TBC1D12: variants seen among roughly 807,000 people sequenced by gnomAD.
TBC1D12 encodes TBC1 domain family member 12, also known as TBC1 domain family, member 12.
TBC1D12 carries 56 observed loss-of-function variants against 86.7 expected under a neutral mutation model. That is an observed-to-expected ratio of 0.65 (90% CI 0.52 to 0.81). The LOEUF is 0.81. TBC1D12 is among the 30% of genes least tolerant of loss of function. The probability of loss-of-function intolerance (pLI) is 0.00; values close to 1 mark genes in which losing one functional copy is unlikely to be tolerated. For missense variants in TBC1D12, 1,023 were observed against 1,038.8 expected (o/e 0.98, Z 0.21); for synonymous variants, 421 against 411.7 (o/e 1.02, Z -0.27).
At chr10:94,465,778 A>ACATACGTATACG (rs2055805308) in intron 2 of TBC1D12, among the ~76,000 whole-genome samples, 9 of 137,876 alleles carry the variant, frequency 6.5e-5, no homozygotes, top group East Asian at 4.2e-4. Context: ...GTATACGCAT[A>ACATACGTATACG]CATACATACA....
At chr10:94,502,055 A>T (rs557556466) in intron 6 of TBC1D12, among the ~76,000 whole-genome samples, 2 of 151,350 alleles carry the variant, frequency 1.3e-5, no homozygotes, top group African/African-American at 4.8e-5. Context: ...TAATTTGGCC[A>T]GGCGCGGTGG....
chr10:94,405,557 A>T (rs944248371), intron 1 of TBC1D12, among the ~76,000 whole-genome samples: 3 of 152,114 alleles, frequency 2.0e-5, no homozygotes, highest in Admixed American at 1.3e-4. Context: ...AATTTGTGAC[A>T]CTGTGTGGCC....
At chr10:94,409,475 G>T (rs1366174901) in intron 1 of TBC1D12, among the ~76,000 whole-genome samples, 1 of 143,716 alleles carries the variant, frequency 7.0e-6, no homozygotes, top group Non-Finnish European at 1.5e-5. Context: ...GGGCTCAATT[G>T]ATCCTTTCAG....
rs567254074 is a variant in TBC1D12, at chr10:94,442,042, A to T, written c.1095+23A>T. The T allele has an allele frequency of 7.5e-5, 117 of 1,570,022 alleles. No homozygotes were observed. The South Asian group carries it at 1.4e-3, about 18-fold the overall frequency. ...CAGGTAAGTACTGACATAGCCATGT[A>T]GTTTACCCTAGCTTTTCAAGCATTC... On this transcript the variant is annotated intron_variant, in intron 2 of 12. Coordinates refer to ENST00000225235, the MANE Select transcript of TBC1D12 (RefSeq NM_015188.2).
intron 6 of TBC1D12, 136 bp downstream of exon 6, chr10:94,500,463 C>T: frequency 1.8e-6 from 1 of 542,716 alleles, no homozygotes; most frequent in Non-Finnish European, 3.0e-6. Flanking sequence ...TGCTTCATCC[C>T]CCTGTTATGA....
rs76992895 is a variant in TBC1D12, at chr10:94,486,879, G to A, written c.1212-6486G>A. On this transcript the variant is annotated intron_variant, in intron 3 of 12. Coordinates refer to ENST00000225235, the MANE Select transcript of TBC1D12 (RefSeq NM_015188.2). ...TGTTTCTTTGTTGATTTTCTATCTG[G>A]AAGATATGCTGAGTGCTGAGAGTGG... Among the ~76,000 whole-genome samples, 44 of 152,238 alleles carry A rather than the reference G, an allele frequency of 2.9e-4. 1 individual carries two copies. The highest frequency in any genetic ancestry group is 1.0e-3 in the African/African-American group (43 of 41,556).
chr10:94,403,655 T>TCGGAGCCGGAGTCGGAGC lies in TBC1D12; in HGVS notation c.971+82_971+83insTCGGAGCCGGAGCCGGAG, dbSNP rs1554931135. The stretch of plus-strand genomic sequence containing the variant: ...GCCGGAGCCGGGGTCTTGGTGGGAG[T>TCGGAGCCGGAGTCGGAGC]CGGAGCCGGAGCCGGAGCCGGAGCG... On this transcript the variant is annotated intron_variant, in intron 1 of 12. Coordinates refer to ENST00000225235, the MANE Select transcript of TBC1D12 (RefSeq NM_015188.2). 19 of 1,343,860 alleles carry TCGGAGCCGGAGTCGGAGC rather than the reference T, an allele frequency of 1.4e-5. No individual in the cohort carries two copies. The African/African-American group carries it at 2.0e-4, about 14-fold the overall frequency. The allele number at this position is 1,343,860 out of a possible 1,614,324, so 83.2% of individuals were successfully genotyped here. A position where few individuals can be genotyped will look rare whatever the true frequency, so the allele number is the denominator to read the frequency against.
intron 3 of TBC1D12, among the ~76,000 whole-genome samples, chr10:94,490,485 T>G (rs939082386): frequency 6.6e-6 from 1 of 152,228 alleles, no homozygotes; most frequent in African/African-American, 2.4e-5. Flanking sequence ...ATCCTTGTGT[T>G]ATAATCCTAT....
At chr10:94,510,296 G>T in intron 8 of TBC1D12, 117 bp downstream of exon 8, 1 of 617,458 alleles carries the variant, frequency 1.6e-6, no homozygotes, top group Non-Finnish European at 2.7e-6. Flanking sequence ...AGAAATTGGG[G>T]ACCCTGTATA....
intron 3 of TBC1D12, among the ~76,000 whole-genome samples, chr10:94,485,837 C>T (rs2056152428): frequency 6.6e-6 from 1 of 151,928 alleles, no homozygotes; most frequent in Non-Finnish European, 1.5e-5. Context: ...ATGGTTCAAT[C>T]TTGGTAGGTT....
At chr10:94,429,824 C>G (rs1452771969) in intron 1 of TBC1D12, among the ~76,000 whole-genome samples, 1 of 152,126 alleles carries the variant, frequency 6.6e-6, no homozygotes, top group Non-Finnish European at 1.5e-5. Flanking sequence ...GCCTTGACCT[C>G]CTGGGCTCAA....
rs537917209 is a variant in TBC1D12 at position 94,489,936 on chromosome 10, A to G, written c.1212-3429A>G. Among the ~76,000 whole-genome samples the G allele has an allele frequency of 1.6e-4, 25 of 152,326 alleles. No individual in the cohort carries two copies. The South Asian group carries it at 4.3e-3, about 26-fold the overall frequency. On this transcript the variant is annotated intron_variant, in intron 3 of 12. Transcript: ENST00000225235. ...AGATCACCATAACAGATACAATGAT[A>G]ATGAAATAGTTTGAAATATTGCAAG... is the stretch of plus-strand genomic sequence containing the variant.
chr10:94,471,987 A>T (rs2055914132), intron 2 of TBC1D12, among the ~76,000 whole-genome samples: 1 of 152,202 alleles, frequency 6.6e-6, no homozygotes, highest in Admixed American at 6.5e-5. Flanking sequence ...ATTGCATCAT[A>T]CAAGAAATAT....
At chr10:94,406,740 G>T (rs148841743) in intron 1 of TBC1D12, among the ~76,000 whole-genome samples, 24 of 152,326 alleles carry the variant, frequency 1.6e-4, no homozygotes, top group African/African-American at 5.5e-4. Context: ...GAAGCTCCAG[G>T]TGAGGGCTCT....
At chr10:94,473,587 C>T (rs2134144116) in intron 2 of TBC1D12, among the ~76,000 whole-genome samples, 1 of 152,244 alleles carries the variant, frequency 6.6e-6, no homozygotes, top group South Asian at 2.1e-4. Flanking sequence ...TCATATAAAT[C>T]AGTGTCTTCT....
intron 2 of TBC1D12, 60 bp downstream of exon 2, chr10:94,442,079 C>G (rs918836531): frequency 2.3e-6 from 3 of 1,317,332 alleles, no homozygotes; most frequent in African/African-American, 3.9e-5. Flanking sequence ...TCTTCTTCTT[C>G]TTCTTTTTTT....
chr10:94,495,806 G>A (rs1034524002), intron 4 of TBC1D12, among the ~76,000 whole-genome samples: 1 of 151,662 alleles, frequency 6.6e-6, no homozygotes, highest in African/African-American at 2.4e-5. Flanking sequence ...ACAAATAAAA[G>A]AAAGTAGAGA....
chr10:94,497,723 T>G (rs896188606), intron 5 of TBC1D12, among the ~76,000 whole-genome samples: 3 of 150,910 alleles, frequency 2.0e-5, no homozygotes, highest in African/African-American at 7.3e-5. Flanking sequence ...GAGATGGGGT[T>G]TCACCGTGGT....
chr10:94,422,572 CA>C (rs1458759881), intron 1 of TBC1D12, among the ~76,000 whole-genome samples: 1 of 151,848 alleles, frequency 6.6e-6, no homozygotes. Flanking sequence ...TATCAGGAAA[CA>C]GTTTGTTTAT....
Sources: allele counts gnomAD v4.1 joint callset (sites outside exome capture counted in the v4.1 genomes callset), GRCh38; gene constraint gnomAD v4.1.1; transcripts MANE v1.5; gene names NCBI Gene and HGNC (gene_info 2026-07-23, HGNC 2026-07-21).